STK38L: variants seen among roughly 807,000 people sequenced by gnomAD.
The protein encoded by STK38L is serine/threonine kinase 38 like, also known as serine/threonine-protein kinase 38-like.
Under a neutral mutation model 59.7 loss-of-function variants are expected in STK38L, and 28 were observed. The observed-to-expected ratio is 0.47, with a 90% confidence interval of 0.35 to 0.64. The LOEUF (loss-of-function observed/expected upper bound fraction) is 0.64. Among genes scored for constraint, STK38L ranks in the 30% least tolerant of loss-of-function variants. The pLI is 0.01. For missense variants in STK38L, 314 were observed against 555.8 expected (o/e 0.56, Z 4.37); for synonymous variants, 162 against 176.8 (o/e 0.92, Z 0.66).
chr12:27,319,365 G>T lies in STK38L; in HGVS notation c.1117G>T (p.Gly373Ter). 1 of 1,613,188 alleles carries T rather than the reference G, an allele frequency of 6.2e-7. No homozygotes were observed. The highest frequency in any genetic ancestry group is 1.1e-5 in the South Asian group (1 of 90,976). ...TTCTGAAAACAGAATTGGAAATAGT[G>T]GAGTAGAAGAAATAAAAGGTCATCC... ...IDSENRIGNS[G>*]VEEIKGHPFF... Residue 373 changes from glycine to a stop codon, truncating the protein, a stop_gained, in exon 12 of 14, where the codon GGA becomes TGA. Coordinates refer to ENST00000389032, the MANE Select transcript of STK38L (RefSeq NM_015000.4). LOFTEE classifies it high-confidence loss of function.
chr12:27,313,248 CA>C (rs748176392), intron 6 of STK38L, among the ~76,000 whole-genome samples: 54,480 of 105,696 alleles, frequency 0.52, 9,863 homozygotes, highest in Admixed American at 0.57. Context: ...GACTACGTCT[CA>C]AAAAAAAAAA....
Position 27,308,497 on chromosome 12 carries a change from T to C in STK38L, c.309+36T>C. 1 of 1,514,006 alleles carries C rather than the reference T, an allele frequency of 6.6e-7. No homozygotes were observed. Among genetic ancestry groups the C allele is most frequent in the Non-Finnish European group, 8.8e-7 (1 of 1,131,232 alleles). The allele number at this position is 1,514,006 out of a possible 1,614,324, so 93.8% of individuals were successfully genotyped here. ...TTTTAAAAGTCACTACTGCTGCAAA[T>C]ATATATCTTAAGATAATTTAAAATA... is the stretch of plus-strand genomic sequence containing the variant. On this transcript the variant is annotated intron_variant, in intron 4 of 13. Coordinates refer to ENST00000389032, the MANE Select transcript of STK38L (RefSeq NM_015000.4). This position sits in a 1 kb window ranked among gnomAD's most constrained non-coding sequence, Gnocchi z 4.5.
chr12:27,254,475 A>G (rs1171568341), intron 1 of STK38L, among the ~76,000 whole-genome samples: 3 of 152,216 alleles, frequency 2.0e-5, no homozygotes, highest in African/African-American at 7.2e-5. Flanking sequence ...TGTATGTATA[A>G]TCTACGTTAG....
In STK38L at chr12:27,308,403, G is replaced by C; in HGVS notation, c.251G>C (p.Arg84Thr). The part of the protein sequence containing the change: ...ETEFLRLKRT[R>T]LGLDDFESLK... ...GAGTTCTTACGGCTCAAAAGGACCA[G>C]ACTTGGCTTGGATGACTTTGAGTCT... Residue 84 changes from arginine to threonine, a missense_variant, in exon 4 of 14, where the codon AGA becomes ACA. Around this residue, in one of 3 missense-constraint regions of STK38L, gnomAD observed 192 missense variants for 316.9 expected, o/e 0.61. Coordinates refer to ENST00000389032, the MANE Select transcript of STK38L (RefSeq NM_015000.4). The surrounding 1 kb of genome is among the most constrained non-coding windows in gnomAD (Gnocchi z 4.5). The C allele has an allele frequency of 6.3e-7, 1 of 1,599,916 alleles. No individual in the cohort carries two copies. Among genetic ancestry groups the C allele is most frequent in the Non-Finnish European group, 8.5e-7 (1 of 1,171,582 alleles).
intron 3 of STK38L, among the ~76,000 whole-genome samples, chr12:27,306,826 T>C (rs1455095278): frequency 6.6e-6 from 1 of 151,930 alleles, no homozygotes; most frequent in Non-Finnish European, 1.5e-5. Context: ...CTGCAACCTC[T>C]GCCTCCCGGG....
chr12:27,292,964 T>G (rs1036264401), intron 1 of STK38L, among the ~76,000 whole-genome samples: 1 of 152,118 alleles, frequency 6.6e-6, no homozygotes, highest in African/African-American at 2.4e-5. Flanking sequence ...TTTTTTAGCC[T>G]AGATCTCACT....
intron 1 of STK38L, among the ~76,000 whole-genome samples, chr12:27,272,172 A>G (rs1216157589): frequency 6.6e-6 from 1 of 152,214 alleles, no homozygotes; most frequent in Non-Finnish European, 1.5e-5. Flanking sequence ...AAGTAAATAT[A>G]AATAATACAA....
At chr12:27,305,609 T>C (rs1944292016) in intron 3 of STK38L, among the ~76,000 whole-genome samples, 1 of 152,188 alleles carries the variant, frequency 6.6e-6, no homozygotes, top group African/African-American at 2.4e-5. Context: ...ATAAAGTTGC[T>C]AGCTGAACCC....
chr12:27,281,771 A>T (rs1415333576), intron 1 of STK38L, among the ~76,000 whole-genome samples: 1 of 152,210 alleles, frequency 6.6e-6, no homozygotes, highest in Non-Finnish European at 1.5e-5. Context: ...ACGGTGCCTC[A>T]GGCCTGTAAT....
At chr12:27,282,240 A>G (rs1365336762) in intron 1 of STK38L, among the ~76,000 whole-genome samples, 1 of 152,144 alleles carries the variant, frequency 6.6e-6, no homozygotes, top group African/African-American at 2.4e-5. Context: ...GAAAGTGTCT[A>G]CTTCTCATGT....
At chr12:27,290,571 C>T (rs1469791628) in intron 1 of STK38L, among the ~76,000 whole-genome samples, 1 of 152,200 alleles carries the variant, frequency 6.6e-6, no homozygotes, top group Non-Finnish European at 1.5e-5. Flanking sequence ...AGACTTTAGT[C>T]TTTCCAGCTG....
chr12:27,320,520 G>A (rs1944701779), intron 12 of STK38L, among the ~76,000 whole-genome samples: 2 of 132,610 alleles, frequency 1.5e-5, no homozygotes, highest in East Asian at 2.2e-4. Flanking sequence ...TTGAACTCCT[G>A]AGCTCAAGCG....
At chr12:27,278,515 C>T (rs930743314) in intron 1 of STK38L, among the ~76,000 whole-genome samples, 2 of 152,164 alleles carry the variant, frequency 1.3e-5, no homozygotes, top group African/African-American at 4.8e-5. Flanking sequence ...TCTCTTCCTA[C>T]TGTCATATTG....
At chr12:27,292,776 A>C (rs1943924905) in intron 1 of STK38L, among the ~76,000 whole-genome samples, 1 of 152,216 alleles carries the variant, frequency 6.6e-6, no homozygotes. Context: ...TAGAGTCTAA[A>C]AGTAATATTT....
At chr12:27,298,075 GC>G in intron 2 of STK38L, 2 of 434,092 alleles carry the variant, frequency 4.6e-6, no homozygotes, top group Admixed American at 7.7e-5. Context: ...CGTATGACAT[GC>G]CAATTAACGT....
chr12:27,302,525 G>T, intron 3 of STK38L: 1 of 170,492 alleles, frequency 5.9e-6, no homozygotes, highest in Non-Finnish European at 1.2e-5. Context: ...CTAGTTCAGT[G>T]CTATTACCCT....
Position 27,315,106 on chromosome 12 carries a change from CA to C in STK38L, c.766del (p.Ser256ValfsTer8). On this transcript the variant is annotated frameshift_variant, in exon 8 of 14. Transcript: ENST00000389032. LOFTEE classifies it high-confidence loss of function. ...TATAGAAATCTCACACACAACCCAC[CA>C]AGTGACTTCTGTAAGTTTGGTTGTT... ...EFYRNLTHNP[P>X]SDFSFQNMNS... The C allele has an allele frequency of 1.2e-6, 2 of 1,613,180 alleles. No homozygotes were observed. The highest frequency in any genetic ancestry group is 1.7e-6 in the Non-Finnish European group (2 of 1,179,432).
chr12:27,250,527 AC>A (rs754983260), intron 1 of STK38L, among the ~76,000 whole-genome samples: 1 of 152,192 alleles, frequency 6.6e-6, no homozygotes, highest in Non-Finnish European at 1.5e-5. Flanking sequence ...GCCAGTAACC[AC>A]TTATCCCTTA....
chr12:27,273,553 C>G (rs1296254683), intron 1 of STK38L, among the ~76,000 whole-genome samples: 22 of 152,096 alleles, frequency 1.4e-4, no homozygotes, highest in Non-Finnish European at 1.0e-4. Flanking sequence ...AGCATATTAC[C>G]TACCACATAA....
Sources: gnomAD v4.1 joint callset for allele counts (sites outside exome capture counted in the v4.1 genomes callset) on GRCh38, gnomAD v4.1.1 for gene constraint, gnomAD v4.1.1 regional missense constraint, Gnocchi (gnomAD v3.1) non-coding constraint, MANE v1.5 for transcripts, NCBI Gene and HGNC (gene_info 2026-07-23, HGNC 2026-07-21) for gene names.